Variants in NCAPD2 observed in about 807,000 individuals in gnomAD.
NCAPD2 encodes the protein non-SMC condensin I complex subunit D2.
NCAPD2 carries 100 observed loss-of-function variants against 164.5 expected under a neutral mutation model. The ratio of observed to expected loss-of-function variants is 0.61; its 90% CI spans 0.52 to 0.72. The LOEUF (loss-of-function observed/expected upper bound fraction) is 0.72. Among genes scored for constraint, NCAPD2 ranks in the 30% least tolerant of loss-of-function variants. NCAPD2 has a pLI of 0.00. For synonymous variants in NCAPD2, 585 were observed against 642.6 expected, an observed-to-expected ratio of 0.91 and a Z score of 1.36; for missense variants, 1,560 against 1,749.2, an observed-to-expected ratio of 0.89 and a Z score of 1.93.
rs368134229 is a variant in NCAPD2, at chr12:6,530,822, G to A, written c.3964+5G>A. The A allele has an allele frequency of 2.7e-5, 44 of 1,614,192 alleles. No homozygotes were observed. The highest frequency in any genetic ancestry group is 2.7e-4 in the African/African-American group (20 of 75,054). On this transcript the variant is annotated splice_donor_5th_base_variant and intron_variant, in intron 30 of 31. Transcript: ENST00000315579. ...CAGCCAAGAAACCATCCACTGGTACGTAAGGCAGCCTGTGCGGGCGAGACC... is the reference window on the plus strand; with the variant it reads ...CAGCCAAGAAACCATCCACTGGTACATAAGGCAGCCTGTGCGGGCGAGACC...
rs1438505109 is a variant in NCAPD2 at position 6,529,023 on chromosome 12, T to C, written c.3556T>C (p.Phe1186Leu). 6.2e-7 allele frequency: 1 copy of C among 1,612,462 alleles called. No homozygotes were observed. The highest frequency in any genetic ancestry group is 2.2e-5 in the East Asian group (1 of 44,894). ...DPELGVEEEP[F>L]HTIMKQLLSY... ...CGAGCTGGGGGTGGAGGAAGAGCCT[T>C]TCCACACCATCATGAAGTATTGCTC... Residue 1186 changes from phenylalanine (F) to leucine (L), a missense_variant, in exon 27 of 32, where the codon TTC becomes CTC. Phe to Leu is a conservative substitution (Grantham distance 22, BLOSUM62 0). Transcript: ENST00000315579.
intron 29 of NCAPD2, 135 bp downstream of exon 29, chr12:6,530,093 C>T (rs986144238): frequency 1.1e-6 from 1 of 883,014 alleles, no homozygotes; most frequent in Non-Finnish European, 1.7e-6. Flanking sequence ...ACCAAATTGC[C>T]AGAGTGACCT....
rs745498386 is a variant in NCAPD2 at position 6,523,305 on chromosome 12, G to A, written c.2173G>A (p.Val725Met). ...GATTCAGAATCTCTCTCTGCTGCTA[G>A]TGGATGCCTCGGTTGGGACCATTCA... ...ALIQNLSLLL[V>M]DASVGTIQCL... Residue 725 changes from valine to methionine, a missense_variant, in exon 17 of 32, where the codon GTG becomes ATG. Coordinates refer to ENST00000315579, the MANE Select transcript of NCAPD2 (RefSeq NM_014865.4). 1 of 1,614,130 alleles carries A rather than the reference G, an allele frequency of 6.2e-7. No homozygotes were observed. The highest frequency in any genetic ancestry group is 1.1e-5 in the South Asian group (1 of 91,088).
chr12:6,526,608 G>T lies in NCAPD2; in HGVS notation c.2727G>T (p.Glu909Asp). Residue 909 changes from glutamate to aspartate, a missense_variant, in exon 21 of 32, where the codon GAG becomes GAT. Coordinates refer to ENST00000315579, the MANE Select transcript of NCAPD2 (RefSeq NM_014865.4). ...TAGAAGAGAAGAGAACCAGTCAGGA[G>T]GACCCGAGTAAGTGGGCAGGGGTTG... ...EKLEEKRTSQ[E>D]DPKESPAMLP... The T allele has an allele frequency of 6.2e-7, 1 of 1,613,380 alleles. No homozygotes were observed. Among genetic ancestry groups the T allele is most frequent in the Non-Finnish European group, 8.5e-7 (1 of 1,179,422 alleles).
intron 14 of NCAPD2, 151 bp from the exon 15 acceptor site, chr12:6,521,647 C>A: frequency 1.0e-6 from 1 of 962,812 alleles, no homozygotes; most frequent in Non-Finnish European, 1.5e-6. Flanking sequence ...GTGATCATTG[C>A]CACTGCACAG....
Position 6,526,986 on chromosome 12 carries a change from G to A in NCAPD2, c.2830G>A (p.Ala944Thr), listed in dbSNP as rs753048861. The change falls in exon 22 of 32, where the codon GCA becomes ACA. Residue 944 changes from alanine (A) to threonine (T), a missense_variant. Coordinates refer to ENST00000315579, the MANE Select transcript of NCAPD2 (RefSeq NM_014865.4). ...GCAGCAGCTGGTCCACTTGGAGCAG[G>A]CAGTGAGTGGAGAGCTCTGCCGGCG... The part of the protein sequence containing the change: ...ALQQLVHLEQ[A>T]VSGELCRRRV... 11 of 1,614,062 alleles carry A rather than the reference G, an allele frequency of 6.8e-6. No individual in the cohort carries two copies. In the East Asian group the frequency reaches 1.8e-4, roughly 26 times the overall value.
At chr12:6,530,330 T>G (rs533165270) in intron 29 of NCAPD2, among the ~76,000 whole-genome samples, 1 of 152,344 alleles carries the variant, frequency 6.6e-6, no homozygotes, top group East Asian at 1.9e-4. Flanking sequence ...GGTGGCACAT[T>G]TGTTACAGCT....
chr12:6,513,715 C>CTCTTTTTTTTTTTTTTTTTT (rs1946171738), intron 6 of NCAPD2, among the ~76,000 whole-genome samples: 1 of 74,894 alleles, frequency 1.3e-5, no homozygotes, highest in African/African-American at 5.9e-5. Flanking sequence ...GTGACTTTGT[C>CTCTTTTTTTTTTTTTTTTTT]TTTTTTTTTT....
chr12:6,514,103 A>T (rs1398387193), intron 6 of NCAPD2, among the ~76,000 whole-genome samples, 162 bp from the exon 7 acceptor site: 1 of 152,176 alleles, frequency 6.6e-6, no homozygotes, highest in Admixed American at 6.5e-5. Flanking sequence ...AGGAGTACCT[A>T]ACTGGGGTCA....
chr12:6,521,206 C>G (rs1025335196), intron 14 of NCAPD2, 96 bp downstream of exon 14: 2 of 1,459,722 alleles, frequency 1.4e-6, no homozygotes, highest in Admixed American at 2.0e-5. Context: ...TTAACAGAAC[C>G]TGGTGCTGAA....
intron 27 of NCAPD2, 67 bp from the exon 28 acceptor site, chr12:6,529,446 G>A: frequency 7.2e-7 from 1 of 1,396,074 alleles, no homozygotes; most frequent in Non-Finnish European, 1.0e-6. Flanking sequence ...GAGGGTCCAG[G>A]GTTGGTCTTA....
At chr12:6,498,747 A>G (rs1946006555) in intron 2 of NCAPD2, among the ~76,000 whole-genome samples, 1 of 151,786 alleles carries the variant, frequency 6.6e-6, no homozygotes, top group African/African-American at 2.4e-5. Flanking sequence ...AGCCGGAACT[A>G]CAGGCGTGAG....
Position 6,517,001 on chromosome 12 carries a change from C to T in NCAPD2, c.1161C>T (p.Leu387=). ...NSFVRSRVLQ[L]FTRIVQQKAL... is the part of the protein sequence containing the mutation. ...TTGTGCGGAGCCGTGTTTTGCAGCT[C>T]TTCACCCGAATTGTCCAGCAGAAGG... The change falls in exon 10 of 32, where the codon CTC becomes CTT. Residue 387 remains leucine (L), a synonymous_variant. Transcript: ENST00000315579. 6.2e-7 allele frequency: 1 copy of T among 1,614,172 alleles called. No homozygotes were observed. The highest frequency in any genetic ancestry group is 2.2e-5 in the East Asian group (1 of 44,876).
In NCAPD2 at chr12:6,528,714, C is replaced by G. The variant is rs751904500; in HGVS notation, c.3335C>G (p.Ala1112Gly). 6.2e-7 allele frequency: 1 copy of G among 1,613,810 alleles called. No individual in the cohort carries two copies. Among genetic ancestry groups the G allele is most frequent in the South Asian group, 1.1e-5 (1 of 91,086 alleles). The part of the protein sequence containing the change: ...RDPAQQVRKT[A>G]GLVMTHLILK... ...CCTGCTCAGCAAGTGCGGAAAACAG[C>G]GGGGCTGGTGATGACCCACCTGATC... is the stretch of plus-strand genomic sequence containing the variant. Residue 1112 changes from alanine to glycine, a missense_variant, in exon 26 of 32, where the codon GCG (alanine) becomes GGG (glycine). Ala to Gly is a moderately conservative substitution (Grantham distance 60, BLOSUM62 0). Coordinates refer to ENST00000315579, the MANE Select transcript of NCAPD2 (RefSeq NM_014865.4). This position sits in a 1 kb window ranked among gnomAD's most constrained non-coding sequence, Gnocchi z 5.1.
In NCAPD2 at chr12:6,531,123, G is replaced by A. The variant is rs1450308631; in HGVS notation, c.4120+47G>A. On this transcript the variant is annotated intron_variant, in intron 31 of 31. Coordinates refer to ENST00000315579, the MANE Select transcript of NCAPD2 (RefSeq NM_014865.4). This position sits in a 1 kb window ranked among gnomAD's most constrained non-coding sequence, Gnocchi z 4.1. ...CCGGCCGAGAAGGCACACAGCTAGG[G>A]TGCAGAGGGCTGGTTTCCATAGGAC... 5.0e-6 allele frequency: 8 copies of A among 1,608,930 alleles called. No individual in the cohort carries two copies. Among genetic ancestry groups the A allele is most frequent in the East Asian group, 4.5e-5 (2 of 44,858 alleles).
intron 2 of NCAPD2, among the ~76,000 whole-genome samples, chr12:6,495,757 T>C (rs1373021732): frequency 1.3e-5 from 2 of 152,356 alleles, no homozygotes; most frequent in East Asian, 3.9e-4. Flanking sequence ...ATAATGTCCT[T>C]GTACTTGTTG....
Position 6,504,229 on chromosome 12 carries a change from A to ATATATACACATATATATATATG in NCAPD2, c.128-5482_128-5481insCACATATATATATATGTATATA, listed in dbSNP as rs1565539654. Among the ~76,000 whole-genome samples the ATATATACACATATATATATATG allele has an allele frequency of 4.5e-5, 4 of 88,486 alleles. No individual in the cohort carries two copies. The South Asian group carries it at 1.0e-3, about 22-fold the overall frequency. 58.1% of individuals were successfully genotyped at this position (88,486 alleles called of 152,430 possible). ...TATATATATATATAGATATAGATATATATATATATATATACCATTGGTCCT... is the reference window on the plus strand; with the variant it reads ...TATATATATATATAGATATAGATATATATATACACATATATATATATGTATATATATATATACCATTGGTCCT... On this transcript the variant is annotated intron_variant, in intron 2 of 31. Coordinates refer to ENST00000315579, the MANE Select transcript of NCAPD2 (RefSeq NM_014865.4).
At chr12:6,499,907 G>A (rs1401417676) in intron 2 of NCAPD2, among the ~76,000 whole-genome samples, 1 of 151,784 alleles carries the variant, frequency 6.6e-6, no homozygotes, top group Non-Finnish European at 1.5e-5. Context: ...GATTGCTCAA[G>A]CTCAGGGGTT....
At position 6,528,473 on chromosome 12, in the gene NCAPD2, G is replaced by A; in HGVS notation, c.3299+145G>A. 1 of 1,240,858 alleles carries A rather than the reference G, an allele frequency of 8.1e-7. No individual in the cohort carries two copies. The highest frequency in any genetic ancestry group is 1.1e-6 in the Non-Finnish European group (1 of 886,102). The allele number at this position is 1,240,858 out of a possible 1,614,324, so 76.9% of individuals were successfully genotyped here. On this transcript the variant is annotated intron_variant, in intron 25 of 31. Coordinates refer to ENST00000315579, the MANE Select transcript of NCAPD2 (RefSeq NM_014865.4). This position sits in a 1 kb window ranked among gnomAD's most constrained non-coding sequence, Gnocchi z 5.1. ...GATACTTGACCTGTACAGGCCCCTG[G>A]CTAAGAGTCACCCCAGTGGGACTGA...
Sources: allele counts gnomAD v4.1 joint callset (sites outside exome capture counted in the v4.1 genomes callset), GRCh38; gene constraint gnomAD v4.1.1; non-coding constraint Gnocchi (gnomAD v3.1); transcripts MANE v1.5; gene names NCBI Gene and HGNC (gene_info 2026-07-23, HGNC 2026-07-21).